The following SYTL1 variants were observed in gnomAD, a reference collection of about 807,000 sequenced individuals.
The protein encoded by SYTL1 is synaptotagmin like 1, also known as synaptotagmin-like protein 1.
Under a neutral mutation model 74.6 loss-of-function variants are expected in SYTL1, and 53 were observed. The ratio of observed to expected loss-of-function variants is 0.71; its 90% CI spans 0.57 to 0.89. SYTL1 has a LOEUF of 0.89. Among genes scored for constraint, SYTL1 ranks in the 40% least tolerant of loss-of-function variants. SYTL1 has a pLI of 0.00. For synonymous variants in SYTL1, 329 were observed against 324.9 expected, an observed-to-expected ratio of 1.01 and a Z score of -0.14; for missense variants, 728 against 768.7, an observed-to-expected ratio of 0.95 and a Z score of 0.63.
chr1:27,347,672 C>T lies in SYTL1; in HGVS notation c.340+103C>T. 5 of 1,525,698 alleles carry T rather than the reference C, an allele frequency of 3.3e-6. No homozygotes were observed. The East Asian group carries it at 1.1e-4, about 35-fold the overall frequency. The allele number at this position is 1,525,698 out of a possible 1,614,324, so 94.5% of individuals were successfully genotyped here. A position where few individuals can be genotyped will look rare whatever the true frequency, so the allele number is the denominator to read the frequency against. ...CACTAGGGCTCCAGTCCTGGCTGCC[C>T]CCAGTACTGTGTGTCTTTCAGTGGG... On this transcript the variant is annotated intron_variant, in intron 3 of 14. Transcript: ENST00000616558. This position sits in a 1 kb window ranked among gnomAD's most constrained non-coding sequence, Gnocchi z 4.9.
chr1:27,342,612 A>T lies in SYTL1; in HGVS notation c.-39+462A>T, dbSNP rs1357635515. Among the ~76,000 whole-genome samples the T allele has an allele frequency of 6.6e-6, 1 of 152,246 alleles. No individual in the cohort carries two copies. The highest frequency in any genetic ancestry group is 2.4e-5 in the African/African-American group (1 of 41,458). ...ACACATACAGCACAGGAGGAAATGC[A>T]CAATGCATACTGTACACACCCCACA... On this transcript the variant is annotated intron_variant, in intron 1 of 14. Transcript: ENST00000616558. This position sits in a 1 kb window ranked among gnomAD's most constrained non-coding sequence, Gnocchi z 4.7.
chr1:27,343,791 C>A lies in SYTL1; in HGVS notation c.-38-1506C>A, dbSNP rs2014881230. On this transcript the variant is annotated intron_variant, in intron 1 of 14. Transcript: ENST00000616558. This position sits in a 1 kb window ranked among gnomAD's most constrained non-coding sequence, Gnocchi z 5.2. ...GGAGCTCACAACCCAGTTAGCCGGG[C>A]AATGTATGTGTGCCAAAGTCTGTAT... is the stretch of plus-strand genomic sequence containing the variant. 6.6e-6 allele frequency among the ~76,000 whole-genome samples: 1 copy of A among 152,148 alleles called. No homozygotes were observed. Among genetic ancestry groups the A allele is most frequent in the South Asian group, 2.1e-4 (1 of 4,826 alleles).
Position 27,348,965 on chromosome 1 carries a change from TA to T in SYTL1, c.460-112del. On this transcript the variant is annotated intron_variant, in intron 5 of 14. Transcript: ENST00000616558. This position sits in a 1 kb window ranked among gnomAD's most constrained non-coding sequence, Gnocchi z 4.1. ...GCCAGCCCTGCCCGGAGGGCTGCCC[TA>T]AACCTGAAACTGGGGTAGCTGGCTG... The T allele has an allele frequency of 1.2e-6, 1 of 842,768 alleles. No homozygotes were observed. The highest frequency in any genetic ancestry group is 1.9e-6 in the Non-Finnish European group (1 of 531,300). The allele number at this position is 842,768 out of a possible 1,614,324, so 52.2% of individuals were successfully genotyped here.
At chr1:27,346,268 A>G (rs1166849955) in intron 2 of SYTL1, among the ~76,000 whole-genome samples, 1 of 152,168 alleles carries the variant, frequency 6.6e-6, no homozygotes, top group Non-Finnish European at 1.5e-5. Flanking sequence ...GGTGCTCCCC[A>G]GTCCCTGAAC....
At chr1:27,352,493 T>C (rs935924224) in intron 13 of SYTL1, 1 of 151,558 alleles carries the variant, frequency 6.6e-6, no homozygotes, top group Non-Finnish European at 1.5e-5. Flanking sequence ...ATTATTATTA[T>C]TATTATTATT....
chr1:27,346,672 G>C (rs1322141253), intron 2 of SYTL1, among the ~76,000 whole-genome samples: 1 of 152,022 alleles, frequency 6.6e-6, no homozygotes, highest in Non-Finnish European at 1.5e-5. Flanking sequence ...TGAGGTGAGA[G>C]GATTGCTTGA....
In SYTL1 at chr1:27,353,250, G is replaced by C. The variant is rs374325342; in HGVS notation, c.1344-33G>C. 31 of 1,555,778 alleles carry C rather than the reference G, an allele frequency of 2.0e-5. No homozygotes were observed. In the African/African-American group the frequency reaches 4.2e-4, roughly 21 times the overall value. ...TGGATGACTCTAGGGAGTGTGAGGG[G>C]GGTCACCTGATGCCAGGCCACCTCC... On this transcript the variant is annotated intron_variant, in intron 13 of 14. Transcript: ENST00000616558.
rs1201006993 is a variant in SYTL1 at position 27,350,643 on chromosome 1, G to A, written c.1006-151G>A. 2.8e-6 allele frequency: 3 copies of A among 1,057,916 alleles called. No individual in the cohort carries two copies. Among genetic ancestry groups the A allele is most frequent in the Non-Finnish European group, 4.1e-6 (3 of 726,988 alleles). The allele number at this position is 1,057,916 out of a possible 1,614,324, so 65.5% of individuals were successfully genotyped here. A position where few individuals can be genotyped will look rare whatever the true frequency, so the allele number is the denominator to read the frequency against. Reference sequence around the variant, plus strand: ...CAGTGTTGTCAGCCTCGTGGTGGGCGTGGTGATAGTGCAGGTCCCCATTAA... The same window carrying A: ...CAGTGTTGTCAGCCTCGTGGTGGGCATGGTGATAGTGCAGGTCCCCATTAA... On this transcript the variant is annotated intron_variant, in intron 10 of 14. Transcript: ENST00000616558. This position sits in a 1 kb window ranked among gnomAD's most constrained non-coding sequence, Gnocchi z 6.3.
chr1:27,349,978 G>T lies in SYTL1; in HGVS notation c.754G>T (p.Gly252Cys). ...VSSLNSSTLSGSQMSLSGDAE... is the reference protein window; with the variant it reads ...VSSLNSSTLSCSQMSLSGDAE... ...CACCCACTCCCGTCCGCAGCTGAGC[G>T]GCAGCCAGATGAGCCTGTCAGGCGA... The change falls in exon 9 of 15, where the codon GGC (glycine) becomes TGC (cysteine). Residue 252 changes from glycine (G) to cysteine (C), a missense_variant. Gly to Cys is a radical substitution (Grantham distance 159, BLOSUM62 -3). Transcript: ENST00000616558. The T allele has an allele frequency of 6.4e-7, 1 of 1,573,176 alleles. No homozygotes were observed. The highest frequency in any genetic ancestry group is 1.4e-5 in the African/African-American group (1 of 73,580).
At position 27,348,012 on chromosome 1, in the gene SYTL1, G is replaced by A. The variant is rs765868209; in HGVS notation, c.459G>A (p.Glu153=). The A allele has an allele frequency of 1.9e-6, 3 of 1,614,106 alleles. No homozygotes were observed. Among genetic ancestry groups the A allele is most frequent in the East Asian group, 2.2e-5 (1 of 44,888 alleles). Residue 153 remains glutamate (E), a splice_region_variant and synonymous_variant, in exon 5 of 15, where the codon GAG becomes GAA. Transcript: ENST00000616558. This position sits in a 1 kb window ranked among gnomAD's most constrained non-coding sequence, Gnocchi z 4.1. ...EAPQERLRET[E]GPDFPSPSVP... is the part of the protein sequence containing the mutation. ...CTCAGGAGAGGCTCAGGGAGACTGA[G>A]GTAAGTGAATGAGCCAACATGTGAG...
rs1249655007 is a variant in SYTL1 at position 27,351,302 on chromosome 1, C to T, written c.1209C>T (p.Ala403=). The change falls in exon 12 of 15, where the codon GCC becomes GCT. Residue 403 remains alanine, a synonymous_variant. Transcript: ENST00000616558. This position sits in a 1 kb window ranked among gnomAD's most constrained non-coding sequence, Gnocchi z 5.0. ...ACCTTCCGAGCCGCGGGTTACTCGC[C>T]CTGTCCCTCAAGTACGTCCCCGCCG... ...PDDLPSRGLL[A]LSLKYVPAGS... 1.3e-6 allele frequency: 2 copies of T among 1,563,630 alleles called. No homozygotes were observed. Among genetic ancestry groups the T allele is most frequent in the South Asian group, 2.4e-5 (2 of 84,888 alleles).
chr1:27,344,333 C>T (rs1424702872), intron 1 of SYTL1, among the ~76,000 whole-genome samples: 1 of 152,024 alleles, frequency 6.6e-6, no homozygotes, highest in Non-Finnish European at 1.5e-5. Flanking sequence ...AAACTCCTGA[C>T]CTCAGGTGAT....
In SYTL1 at chr1:27,347,054, G is replaced by A. The variant is rs528630063; in HGVS notation, c.192-367G>A. On this transcript the variant is annotated intron_variant, in intron 2 of 14. Transcript: ENST00000616558. The surrounding 1 kb of genome is among the most constrained non-coding windows in gnomAD (Gnocchi z 4.9). ...GGAGGATCACTTGAGCCTGGAAGGT[G>A]AAGGTTGCAGTGAGCTGAGATTGCG... Among the ~76,000 whole-genome samples the A allele has an allele frequency of 2.8e-4, 43 of 151,982 alleles. No individual in the cohort carries two copies. The highest frequency in any genetic ancestry group is 1.4e-3 in the Admixed American group (22 of 15,268).
Position 27,351,474 on chromosome 1 carries a change from G to C in SYTL1, c.1262G>C (p.Ser421Thr). ...TCCGCAGGCGCAGGACTGCCCCCGA[G>C]CGGGGAGCTGCACTTCTGGGTGAAG... Reference protein sequence around the residue: ...AGSEGAGLPPSGELHFWVKEA... With the variant: ...AGSEGAGLPPTGELHFWVKEA... The change falls in exon 13 of 15, where the codon AGC (serine) becomes ACC (threonine). Residue 421 changes from serine (S) to threonine (T), a missense_variant. Coordinates refer to ENST00000616558, the MANE Select transcript of SYTL1 (RefSeq NM_001193308.2). This position sits in a 1 kb window ranked among gnomAD's most constrained non-coding sequence, Gnocchi z 5.0. 6.5e-7 allele frequency: 1 copy of C among 1,545,604 alleles called. No homozygotes were observed. The highest frequency in any genetic ancestry group is 8.7e-7 in the Non-Finnish European group (1 of 1,144,646).
Position 27,350,935 on chromosome 1 carries a change from C to T in SYTL1, c.1147C>T (p.Leu383Phe), listed in dbSNP as rs1054721705. ...GGACTGGGGCTCTGAGCCCACCTGG[C>T]TCCCCCTGCAGCCCCGGGTGAGGCA... ...TWDWGSEPTW[L>F]PLQPRVPPSP... The change falls in exon 11 of 15, where the codon CTC becomes TTC. Residue 383 changes from leucine (L) to phenylalanine (F), a missense_variant. By Grantham distance (22) the Leu-to-Phe change is conservative. Transcript: ENST00000616558. This position sits in a 1 kb window ranked among gnomAD's most constrained non-coding sequence, Gnocchi z 6.3. 1 of 1,613,232 alleles carries T rather than the reference C, an allele frequency of 6.2e-7. No homozygotes were observed. The highest frequency in any genetic ancestry group is 1.3e-5 in the African/African-American group (1 of 75,010).
In SYTL1 at chr1:27,350,961, G is replaced by A. The variant is rs372138969; in HGVS notation, c.1164+9G>A. 72 of 1,612,470 alleles carry A rather than the reference G, an allele frequency of 4.5e-5. 1 individual carries two copies. The South Asian group carries it at 7.5e-4, about 17-fold the overall frequency. On this transcript the variant is annotated intron_variant, in intron 11 of 14. Coordinates refer to ENST00000616558, the MANE Select transcript of SYTL1 (RefSeq NM_001193308.2). This position sits in a 1 kb window ranked among gnomAD's most constrained non-coding sequence, Gnocchi z 6.3. ...TCCCCCTGCAGCCCCGGGTGAGGCA[G>A]CCAGGCCGCGTGGGGAGACCTGCGG...
chr1:27,351,769 CTTG>C lies in SYTL1; in HGVS notation c.1343+218_1343+220del, dbSNP rs1362197145. On this transcript the variant is annotated intron_variant, in intron 13 of 14. Transcript: ENST00000616558. The surrounding 1 kb of genome is among the most constrained non-coding windows in gnomAD (Gnocchi z 5.0). The stretch of plus-strand genomic sequence containing the variant: ...TTCAGCGTGACTGGCGCCTATAGGA[CTTG>C]TTGAAAAGCTGAGGCTGAGGGCTGC... The C allele has an allele frequency of 5.8e-5, 28 of 479,960 alleles. 1 individual carries two copies. The highest frequency in any genetic ancestry group is 2.2e-5 in the Non-Finnish European group (6 of 274,166). 29.7% of individuals were successfully genotyped at this position (479,960 alleles called of 1,614,324 possible).
Position 27,348,985 on chromosome 1 carries a change from C to T in SYTL1, c.460-95C>T. 1 of 972,442 alleles carries T rather than the reference C, an allele frequency of 1.0e-6. No homozygotes were observed. The allele number at this position is 972,442 out of a possible 1,614,324, so 60.2% of individuals were successfully genotyped here. On this transcript the variant is annotated intron_variant, in intron 5 of 14. Coordinates refer to ENST00000616558, the MANE Select transcript of SYTL1 (RefSeq NM_001193308.2). This position sits in a 1 kb window ranked among gnomAD's most constrained non-coding sequence, Gnocchi z 4.1. Reference sequence around the variant, plus strand: ...TGCCCTAAACCTGAAACTGGGGTAGCTGGCTGGAGCCCTATGACCTCTGAC... The same window carrying T: ...TGCCCTAAACCTGAAACTGGGGTAGTTGGCTGGAGCCCTATGACCTCTGAC...
At chr1:27,352,499 T>C (rs1333724767) in intron 13 of SYTL1, 2 of 151,784 alleles carry the variant, frequency 1.3e-5, no homozygotes, top group Non-Finnish European at 2.9e-5. Context: ...ATTATTATTA[T>C]TATTTTTGAG....
Sources: allele counts gnomAD v4.1 joint callset (sites outside exome capture counted in the v4.1 genomes callset), GRCh38; gene constraint gnomAD v4.1.1; non-coding constraint Gnocchi (gnomAD v3.1); transcripts MANE v1.5; gene names NCBI Gene and HGNC (gene_info 2026-07-23, HGNC 2026-07-21).